SHISA9: variants seen among roughly 807,000 people sequenced by gnomAD.
SHISA9 encodes the protein shisa family member 9.
In SHISA9, 13 loss-of-function variants were observed where a neutral mutation model predicts 38.0. The ratio of observed to expected loss-of-function variants is 0.34; its 90% CI spans 0.22 to 0.54. The LOEUF (loss-of-function observed/expected upper bound fraction) is 0.54, where lower values mean the gene tolerates loss of function less well. Ranked by LOEUF, SHISA9 falls within the 20% of genes least tolerant of loss-of-function variation. SHISA9 has a pLI of 0.91. For synonymous variants in SHISA9, 275 were observed against 242.0 expected (o/e 1.14, Z -1.27); for missense variants, 538 against 575.8 (o/e 0.93, Z 0.67).
chr16:13,456,489 T>A, the SHISA9 span, among the ~76,000 whole-genome samples: 5 of 152,212 alleles, frequency 3.3e-5, no homozygotes, highest in South Asian at 1.0e-3. Context: ...GATGCCGATG[T>A]CCATTCTTTA....
chr16:13,289,551 C>T, the SHISA9 span, among the ~76,000 whole-genome samples: 1 of 150,608 alleles, frequency 6.6e-6, no homozygotes, highest in African/African-American at 2.5e-5. Flanking sequence ...CAAAAAAAAA[C>T]CCCAAGAGGA....
intron 2 of SHISA9, among the ~76,000 whole-genome samples, chr16:13,146,188 C>T (rs190413859): frequency 8.0e-4 from 121 of 152,144 alleles, no homozygotes; most frequent in African/African-American, 2.6e-3. Flanking sequence ...AGTGAGACTC[C>T]GTCTCAATGA....
chr16:13,068,297 C>G (rs1165117964), intron 2 of SHISA9, among the ~76,000 whole-genome samples: 3 of 152,208 alleles, frequency 2.0e-5, no homozygotes, highest in Non-Finnish European at 2.9e-5. Context: ...AATGAGCCAA[C>G]AGTAGTCATT....
rs564586903 is a variant in SHISA9, at chr16:13,093,061, G to T, written c.692-110333G>T. 3.9e-5 allele frequency among the ~76,000 whole-genome samples: 6 copies of T among 152,250 alleles called. No homozygotes were observed. In the East Asian group the frequency reaches 1.2e-3, roughly 29 times the overall value. Reference sequence around the variant, plus strand: ...AACCCATTTGTGGAAATACTGATCTGGTATGGAAAGGAATATAGCTTTGAA... The same window carrying T: ...AACCCATTTGTGGAAATACTGATCTTGTATGGAAAGGAATATAGCTTTGAA... On this transcript the variant is annotated intron_variant, in intron 2 of 4. Transcript: ENST00000558583.
intron 2 of SHISA9, among the ~76,000 whole-genome samples, chr16:13,169,288 T>C (rs2050664977): frequency 6.6e-6 from 1 of 152,176 alleles, no homozygotes; most frequent in African/African-American, 2.4e-5. Context: ...ATTACGAAAA[T>C]AGTGAAAACA....
At chr16:13,517,627 C>G in the SHISA9 span, among the ~76,000 whole-genome samples, 2 of 152,158 alleles carry the variant, frequency 1.3e-5, no homozygotes, top group Non-Finnish European at 2.9e-5. Context: ...CTCCCCTTCT[C>G]CTTATATGTC....
chr16:13,419,487 G>A, the SHISA9 span, among the ~76,000 whole-genome samples: 1 of 152,128 alleles, frequency 6.6e-6, no homozygotes, highest in Non-Finnish European at 1.5e-5. Context: ...TTTTTCCTAA[G>A]CATTTTTAGT....
At chr16:13,279,193 G>A in the SHISA9 span, among the ~76,000 whole-genome samples, 8 of 151,994 alleles carry the variant, frequency 5.3e-5, no homozygotes, top group South Asian at 4.2e-4. Context: ...GTGTATTTGC[G>A]TGGTTCTGAA....
chr16:13,407,804 A>G, the SHISA9 span, among the ~76,000 whole-genome samples: 2 of 152,212 alleles, frequency 1.3e-5, no homozygotes, highest in African/African-American at 4.8e-5. Flanking sequence ...ACTTGAGAAG[A>G]GGAAGCACAT....
intron 2 of SHISA9, among the ~76,000 whole-genome samples, chr16:12,993,849 A>G (rs965557837): frequency 3.3e-5 from 5 of 152,188 alleles, no homozygotes; most frequent in Middle Eastern, 3.2e-3. Context: ...AGCAAGGAGA[A>G]TGGGAAGGGG....
At chr16:13,134,251 T>G (rs2050329072) in intron 2 of SHISA9, among the ~76,000 whole-genome samples, 2 of 152,224 alleles carry the variant, frequency 1.3e-5, no homozygotes, top group South Asian at 4.1e-4. Flanking sequence ...TAATAATACC[T>G]ATCTTAATTT....
At chr16:12,903,998 G>T (rs1289664214) in intron 1 of SHISA9, among the ~76,000 whole-genome samples, 3 of 152,066 alleles carry the variant, frequency 2.0e-5, no homozygotes, top group Non-Finnish European at 4.4e-5. Flanking sequence ...GGAAGTTCTC[G>T]GTTTGGGTCA....
rs144109049 is a variant in SHISA9, at chr16:13,054,503, A to G, written c.691+137688A>G. 1.7e-3 allele frequency among the ~76,000 whole-genome samples: 265 copies of G among 152,358 alleles called. 2 individuals are homozygous for G. The highest frequency in any genetic ancestry group is 6.0e-3 in the African/African-American group (248 of 41,580). On this transcript the variant is annotated intron_variant, in intron 2 of 4. Transcript: ENST00000558583. Reference sequence around the variant, plus strand: ...AAATCATTTGACTACATACATGTCCATGGAAATTCTTATTGGTGAATCAAA... The same window carrying G: ...AAATCATTTGACTACATACATGTCCGTGGAAATTCTTATTGGTGAATCAAA...
At chr16:13,476,763 T>G in the SHISA9 span, among the ~76,000 whole-genome samples, 2 of 133,176 alleles carry the variant, frequency 1.5e-5, no homozygotes, top group African/African-American at 6.1e-5. Flanking sequence ...TTTTTTTTTT[T>G]TTTGAGACGG....
chr16:13,383,751 A>G, the SHISA9 span, among the ~76,000 whole-genome samples: 6,398 of 152,212 alleles, frequency 0.042, 270 homozygotes, highest in African/African-American at 0.11. Context: ...CCCAGGCTCA[A>G]GCGATCTTCC....
chr16:13,013,497 G>A (rs149424957), intron 2 of SHISA9, among the ~76,000 whole-genome samples: 35 of 152,282 alleles, frequency 2.3e-4, no homozygotes, highest in African/African-American at 8.2e-4. Context: ...TAAGTTCCGC[G>A]TGGCTAGGGA....
At chr16:12,910,821 C>G in intron 1 of SHISA9, 1 of 782,294 alleles carries the variant, frequency 1.3e-6, no homozygotes, top group Non-Finnish European at 1.6e-6. Context: ...AGCCTCTGTA[C>G]TTGTACAAGT....
At chr16:13,208,811 C>T (rs1251844906) in intron 3 of SHISA9, among the ~76,000 whole-genome samples, 1 of 152,218 alleles carries the variant, frequency 6.6e-6, no homozygotes, top group Non-Finnish European at 1.5e-5. Context: ...TGAACCAAAT[C>T]TGTCCCATTT....
At chr16:13,551,012 A>G in the SHISA9 span, among the ~76,000 whole-genome samples, 2 of 152,016 alleles carry the variant, frequency 1.3e-5, no homozygotes. Context: ...AATCCCAGCT[A>G]CTTGGGAGGC....
Sources: gnomAD v4.1 joint callset for allele counts (sites outside exome capture counted in the v4.1 genomes callset) on GRCh38, gnomAD v4.1.1 for gene constraint, MANE v1.5 for transcripts, NCBI Gene and HGNC (gene_info 2026-07-23, HGNC 2026-07-21) for gene names.